Variants in IL2RB observed in about 807,000 individuals in gnomAD.
The protein encoded by IL2RB is interleukin-2 receptor subunit beta.
A neutral mutation model predicts 44.2 loss-of-function variants in IL2RB; 17 were observed. The observed-to-expected ratio is 0.38, with a 90% CI of 0.26 to 0.58. IL2RB has a LOEUF of 0.58. Ranked by LOEUF, IL2RB falls within the 20% of genes least tolerant of loss-of-function variation. The pLI is 0.63. For missense variants in IL2RB, 624 were observed against 685.5 expected, an observed-to-expected ratio of 0.91 and a Z score of 1.00; for synonymous variants, 286 against 297.9, an observed-to-expected ratio of 0.96 and a Z score of 0.41.
intron 9 of IL2RB, 69 bp downstream of exon 9, chr22:37,132,315 A>C: frequency 8.1e-7 from 1 of 1,233,806 alleles, no homozygotes; most frequent in Non-Finnish European, 1.2e-6. Context: ...AAAATTAGCT[A>C]CTAACCTGCC....
At position 37,128,949 on chromosome 22, in the gene IL2RB, G is replaced by A. The variant is rs1299012625; in HGVS notation, c.904-101C>T. 2 of 1,373,878 alleles carry A rather than the reference G, an allele frequency of 1.5e-6. No homozygotes were observed. The highest frequency in any genetic ancestry group is 1.9e-6 in the Non-Finnish European group (2 of 1,029,298). 85.1% of individuals were successfully genotyped at this position (1,373,878 alleles called of 1,614,324 possible). A position where few individuals can be genotyped will look rare whatever the true frequency, so the allele number is the denominator to read the frequency against. On this transcript the variant is annotated intron_variant, in intron 9 of 9. Transcript: ENST00000216223. The surrounding 1 kb of genome is among the most constrained non-coding windows in gnomAD (Gnocchi z 4.5). Reference sequence around the variant, plus strand: ...GCTCCTAACTCCTCCTCCTCCTGAAGCAGTTGGCCCAGGGCTGCCCCATCC... The same window carrying A: ...GCTCCTAACTCCTCCTCCTCCTGAAACAGTTGGCCCAGGGCTGCCCCATCC...
chr22:37,146,098 C>A (rs1198263262), intron 1 of IL2RB, among the ~76,000 whole-genome samples: 1 of 152,156 alleles, frequency 6.6e-6, no homozygotes, highest in Non-Finnish European at 1.5e-5. Context: ...CCTTCCTATT[C>A]CAGGTGACCT....
At chr22:37,129,733 C>T (rs190356999) in intron 9 of IL2RB, among the ~76,000 whole-genome samples, 56 of 152,328 alleles carry the variant, frequency 3.7e-4, no homozygotes, top group African/African-American at 1.2e-3. Context: ...ACACCCAAAA[C>T]GGGTAAGACA....
At chr22:37,138,987 G>T in intron 5 of IL2RB, 130 bp downstream of exon 5, 1 of 644,956 alleles carries the variant, frequency 1.6e-6, no homozygotes. Context: ...AGAACAGCGG[G>T]CGGTGAGGTG....
intron 1 of IL2RB, among the ~76,000 whole-genome samples, chr22:37,169,013 G>C (rs535869374): frequency 7.9e-5 from 12 of 152,116 alleles, no homozygotes; most frequent in African/African-American, 2.7e-4. Context: ...GCTGTTTACA[G>C]AGGGGTTCTT....
At chr22:37,160,620 T>C (rs1922825276) in intron 1 of IL2RB, among the ~76,000 whole-genome samples, 1 of 151,416 alleles carries the variant, frequency 6.6e-6, no homozygotes, top group Non-Finnish European at 1.5e-5. Context: ...GGCGGGTGGA[T>C]TGCTTGAGCT....
rs772505910 is a variant in IL2RB at position 37,142,431 on chromosome 22, C to T, written c.282+3G>A. ...GCACTCTCTCCCTGGGTGGGCTACT[C>T]ACATCTGGGGCTCCGAGGATCAGGT... On this transcript the variant is annotated splice_donor_region_variant and intron_variant, in intron 4 of 9. Coordinates refer to ENST00000216223, the MANE Select transcript of IL2RB (RefSeq NM_000878.5). The T allele has an allele frequency of 1.9e-6, 3 of 1,613,806 alleles. No homozygotes were observed. Among genetic ancestry groups the T allele is most frequent in the Non-Finnish European group, 2.5e-6 (3 of 1,179,800 alleles).
chr22:37,153,624 T>C (rs1017952764), upstream of IL2RB, among the ~76,000 whole-genome samples: 24 of 152,188 alleles, frequency 1.6e-4, no homozygotes, highest in African/African-American at 3.1e-4. Flanking sequence ...GCCACAACCA[T>C]GAGAATAACA....
At chr22:37,173,561 C>T (rs1356767822) in intron 1 of IL2RB, among the ~76,000 whole-genome samples, 6 of 152,202 alleles carry the variant, frequency 3.9e-5, no homozygotes, top group Non-Finnish European at 2.9e-5. Flanking sequence ...GCACCTCCTA[C>T]GTACCAGTAT....
At chr22:37,160,359 C>A (rs1245779610) in intron 1 of IL2RB, among the ~76,000 whole-genome samples, 1 of 152,176 alleles carries the variant, frequency 6.6e-6, no homozygotes, top group East Asian at 1.9e-4. Flanking sequence ...GCTAACAGAA[C>A]CAGTACCACG....
At chr22:37,149,784 G>A (rs1331149309) in intron 1 of IL2RB, 41 bp downstream of exon 1, 4 of 928,676 alleles carry the variant, frequency 4.3e-6, no homozygotes, top group Admixed American at 1.2e-4. Context: ...CAGCCCTCTG[G>A]CTGGTCCACA....
chr22:37,143,767 G>T, intron 2 of IL2RB, 132 bp from the exon 3 acceptor site: 1 of 701,908 alleles, frequency 1.4e-6, no homozygotes. Context: ...AGCGGAGAAG[G>T]GATTCATGGA....
chr22:37,173,758 T>G (rs1923363764), intron 1 of IL2RB, among the ~76,000 whole-genome samples: 1 of 151,076 alleles, frequency 6.6e-6, no homozygotes, highest in African/African-American at 2.5e-5. Flanking sequence ...CCAGGGGGGG[T>G]TGGGGAGGGG....
In IL2RB at chr22:37,143,458, C is replaced by A. The variant is rs1601602964; in HGVS notation, c.203+63G>T. 3 of 1,108,050 alleles carry A rather than the reference C, an allele frequency of 2.7e-6. No homozygotes were observed. The East Asian group carries it at 7.1e-5, about 26-fold the overall frequency. 68.6% of individuals were successfully genotyped at this position (1,108,050 alleles called of 1,614,324 possible). Reference sequence around the variant, plus strand: ...AACGTTGACTCCTTGGAGTCCAGTGCATAGGATCCAGAATATGAGATCCCA... The same window carrying A: ...AACGTTGACTCCTTGGAGTCCAGTGAATAGGATCCAGAATATGAGATCCCA... On this transcript the variant is annotated intron_variant, in intron 3 of 9. Coordinates refer to ENST00000216223, the MANE Select transcript of IL2RB (RefSeq NM_000878.5).
intron 5 of IL2RB, among the ~76,000 whole-genome samples, chr22:37,138,514 G>A (rs1467733660): frequency 6.6e-6 from 1 of 152,190 alleles, no homozygotes; most frequent in African/African-American, 2.4e-5. Flanking sequence ...GCAGGCAGTC[G>A]CTCAGGCATT....
In IL2RB at chr22:37,128,326, T is replaced by C. The variant is rs1443825024; in HGVS notation, c.1426A>G (p.Thr476Ala). The change falls in exon 10 of 10, where the codon ACC becomes GCC. Residue 476 changes from threonine (T) to alanine (A), a missense_variant. Coordinates refer to ENST00000216223, the MANE Select transcript of IL2RB (RefSeq NM_000878.5). This position sits in a 1 kb window ranked among gnomAD's most constrained non-coding sequence, Gnocchi z 4.5. ...DWDPQPLGPPTPGVPDLVDFQ... is the reference protein window; with the variant it reads ...DWDPQPLGPPAPGVPDLVDFQ... ...TCCACCAGGTCTGGGACTCCTGGGG[T>C]GGGAGGCCCCAGGGGCTGGGGGTCC... 6.7e-7 allele frequency: 1 copy of C among 1,502,062 alleles called. No homozygotes were observed. Among genetic ancestry groups the C allele is most frequent in the Non-Finnish European group, 8.9e-7 (1 of 1,125,868 alleles). The allele number at this position is 1,502,062 out of a possible 1,614,324, so 93.0% of individuals were successfully genotyped here.
In IL2RB at chr22:37,144,139, G is replaced by A. The variant is rs758438266; in HGVS notation, c.34C>T (p.Leu12Phe). 21 of 1,552,106 alleles carry A rather than the reference G, an allele frequency of 1.4e-5. No individual in the cohort carries two copies. In the African/African-American group the frequency reaches 1.8e-4, roughly 13 times the overall value. ...GCCAGGGGCAGGAGGAGGATGAGGA[G>A]GGGCAGACGCCAGGACAGAGCAGGG... is the stretch of plus-strand genomic sequence containing the variant. ...AAPALSWRLP[L>F]LILLLPLATS... Residue 12 changes from leucine to phenylalanine, a missense_variant, in exon 2 of 10, where the codon CTC becomes TTC. Coordinates refer to ENST00000216223, the MANE Select transcript of IL2RB (RefSeq NM_000878.5).
chr22:37,152,251 C>A (rs1160571004), upstream of IL2RB, among the ~76,000 whole-genome samples: 1 of 152,082 alleles, frequency 6.6e-6, no homozygotes, highest in Non-Finnish European at 1.5e-5. Flanking sequence ...CTTGCACCAA[C>A]GTTTTATAGT....
chr22:37,141,508 C>A lies in IL2RB; in HGVS notation c.282+926G>T, dbSNP rs916042648. ...AGTGTGAGTCGGGGACAAGCGGGAC[C>A]CCTGCCCCTTCCGAGGTAGCCAGGA... On this transcript the variant is annotated intron_variant, in intron 4 of 9. Transcript: ENST00000216223. The surrounding 1 kb of genome is among the most constrained non-coding windows in gnomAD (Gnocchi z 4.4). Among the ~76,000 whole-genome samples, 3 of 151,958 alleles carry A rather than the reference C, an allele frequency of 2.0e-5. No homozygotes were observed.
Sources: gnomAD v4.1 joint callset for allele counts (sites outside exome capture counted in the v4.1 genomes callset) on GRCh38, gnomAD v4.1.1 for gene constraint, Gnocchi (gnomAD v3.1) non-coding constraint, MANE v1.5 for transcripts, NCBI Gene and HGNC (gene_info 2026-07-23, HGNC 2026-07-21) for gene names.